Variants in DLG2 observed in about 807,000 individuals in gnomAD.
DLG2 encodes discs large MAGUK scaffold protein 2.
DLG2 carries 45 observed loss-of-function variants against 132.5 expected under a neutral mutation model. That is an observed-to-expected ratio of 0.34 (90% CI 0.27 to 0.44). The LOEUF is 0.44. DLG2 is among the 20% of genes least tolerant of loss of function. DLG2 has a pLI of 1.00. For synonymous variants in DLG2, 424 were observed against 419.6 expected (o/e 1.01, Z -0.13); for missense variants, 1,045 against 1,196.9 (o/e 0.87, Z 1.87).
At chr11:85,427,009 C>A (rs1185737971) in intron 3 of DLG2, among the ~76,000 whole-genome samples, 1 of 152,056 alleles carries the variant, frequency 6.6e-6, no homozygotes, top group Non-Finnish European at 1.5e-5. Flanking sequence ...ATTCGATCAA[C>A]TGTAAGAAAG....
chr11:83,849,764 T>A (rs200823032), intron 16 of DLG2, among the ~76,000 whole-genome samples: 2,957 of 20,436 alleles, frequency 0.14, 113 homozygotes, highest in African/African-American at 0.29. Flanking sequence ...TTTTTTTTTT[T>A]TAAAAAAAAA....
intron 9 of DLG2, among the ~76,000 whole-genome samples, chr11:84,110,566 A>C (rs148510555): frequency 7.7e-4 from 118 of 152,320 alleles, no homozygotes; most frequent in Middle Eastern, 3.4e-3. Context: ...TAGAAGAGCT[A>C]TTAGATCACC....
chr11:84,501,688 A>C (rs560374462), intron 7 of DLG2, among the ~76,000 whole-genome samples: 1 of 152,346 alleles, frequency 6.6e-6, no homozygotes, highest in South Asian at 2.1e-4. Context: ...TTTCCAGTAC[A>C]ATGCAAATAT....
At chr11:85,139,338 T>C (rs746098248) in intron 5 of DLG2, among the ~76,000 whole-genome samples, 4 of 152,072 alleles carry the variant, frequency 2.6e-5, no homozygotes, top group Non-Finnish European at 4.4e-5. Context: ...ACATGGAAAC[T>C]CTTTAAAAAG....
intron 19 of DLG2, among the ~76,000 whole-genome samples, chr11:83,599,769 C>T (rs1339261870): frequency 6.6e-6 from 1 of 152,210 alleles, no homozygotes; most frequent in Non-Finnish European, 1.5e-5. Flanking sequence ...TACTAGTTCT[C>T]TCTTTCTCTC....
At chr11:85,406,371 T>C (rs1054221500) in intron 3 of DLG2, among the ~76,000 whole-genome samples, 4 of 151,640 alleles carry the variant, frequency 2.6e-5, no homozygotes, top group Non-Finnish European at 5.9e-5. Flanking sequence ...AGAGTCAGCA[T>C]TGTAGGGAAG....
intron 6 of DLG2, among the ~76,000 whole-genome samples, chr11:84,872,209 G>T (rs544867957): frequency 6.6e-6 from 1 of 152,262 alleles, no homozygotes; most frequent in South Asian, 2.1e-4. Flanking sequence ...TGCTTTCTCA[G>T]GAATGGAAGT....
At chr11:85,019,321 A>C (rs186720127) in intron 6 of DLG2, among the ~76,000 whole-genome samples, 1 of 152,318 alleles carries the variant, frequency 6.6e-6, no homozygotes, top group East Asian at 1.9e-4. Flanking sequence ...AATATGAATT[A>C]ATGAACATGG....
intron 10 of DLG2, among the ~76,000 whole-genome samples, chr11:84,084,169 T>C (rs563687143): frequency 6.6e-6 from 1 of 152,064 alleles, no homozygotes; most frequent in Non-Finnish European, 1.5e-5. Context: ...GGTGTACAAG[T>C]TGTAGTATTG....
intron 3 of DLG2, among the ~76,000 whole-genome samples, chr11:85,501,122 A>C (rs1024402315): frequency 2.6e-5 from 4 of 152,178 alleles, no homozygotes; most frequent in Non-Finnish European, 5.9e-5. Context: ...ACACACATCT[A>C]CCACCACCTG....
chr11:85,435,882 G>A (rs2091453218), intron 3 of DLG2, among the ~76,000 whole-genome samples: 1 of 152,120 alleles, frequency 6.6e-6, no homozygotes, highest in South Asian at 2.1e-4. Context: ...GAACAAAGCT[G>A]GAGGCATCAT....
chr11:83,768,729 T>C (rs1427686413), intron 18 of DLG2, among the ~76,000 whole-genome samples: 1 of 152,210 alleles, frequency 6.6e-6, no homozygotes, highest in Non-Finnish European at 1.5e-5. Flanking sequence ...AATGAGGCTG[T>C]GAAGGGAAAG....
At chr11:84,398,523 C>T (rs2098818618) in intron 7 of DLG2, among the ~76,000 whole-genome samples, 2 of 152,150 alleles carry the variant, frequency 1.3e-5, no homozygotes, top group African/African-American at 4.8e-5. Context: ...TTTTTTAAGA[C>T]CCACATCTCA....
chr11:84,587,108 A>C (rs2099531646), intron 6 of DLG2, among the ~76,000 whole-genome samples: 1 of 149,796 alleles, frequency 6.7e-6, no homozygotes, highest in East Asian at 1.9e-4. Context: ...TGAGAAGTAC[A>C]TATCCAGGTG....
At chr11:84,371,431 AT>A (rs1173602249) in intron 7 of DLG2, among the ~76,000 whole-genome samples, 1 of 151,778 alleles carries the variant, frequency 6.6e-6, no homozygotes, top group African/African-American at 2.4e-5. Flanking sequence ...AATTTTTTGT[AT>A]AGACGGGGTT....
rs1389087930 is a variant in DLG2, at chr11:85,165,552, C to G, written c.187-10901G>C. 5.3e-5 allele frequency among the ~76,000 whole-genome samples: 8 copies of G among 152,262 alleles called. No individual in the cohort carries two copies. The East Asian group carries it at 1.5e-3, about 29-fold the overall frequency. On this transcript the variant is annotated intron_variant, in intron 4 of 27. Transcript: ENST00000376104. ...AGGAAAGTACTTTGAAATGACCAGT[C>G]TGCTTTTTATTCCTTAGTTCTGCTT...
chr11:84,471,544 A>T (rs1448996987), intron 7 of DLG2, among the ~76,000 whole-genome samples: 1 of 151,502 alleles, frequency 6.6e-6, no homozygotes, highest in Non-Finnish European at 1.5e-5. Context: ...GGAGAGCAAG[A>T]GTTGTTTGAG....
chr11:83,873,319 A>G (rs1400579120), intron 16 of DLG2, among the ~76,000 whole-genome samples: 2 of 152,158 alleles, frequency 1.3e-5, no homozygotes, highest in Non-Finnish European at 2.9e-5. Context: ...GTGTGTCCCC[A>G]CCCAAATCTC....
In DLG2 at chr11:85,489,516, A is replaced by C. The variant is rs60170831; in HGVS notation, c.40+109141T>G. Among the ~76,000 whole-genome samples, 620 of 152,294 alleles carry C rather than the reference A, an allele frequency of 4.1e-3. 5 individuals are homozygous for C. The highest frequency in any genetic ancestry group is 0.014 in the African/African-American group (566 of 41,582). On this transcript the variant is annotated intron_variant, in intron 3 of 27. Coordinates refer to ENST00000376104, the MANE Select transcript of DLG2 (RefSeq NM_001142699.3). ...AGACAAATCATCGAGACCGAAAATC[A>C]ACAAAAAAACATGAAACCGAAATTG...
Sources: allele counts gnomAD v4.1 joint callset (sites outside exome capture counted in the v4.1 genomes callset), GRCh38; gene constraint gnomAD v4.1.1; transcripts MANE v1.5; gene names NCBI Gene and HGNC (gene_info 2026-07-23, HGNC 2026-07-21).